Variants in CSRNP3 observed in about 807,000 individuals in gnomAD.
CSRNP3 encodes cysteine and serine rich nuclear protein 3.
In CSRNP3, 12 loss-of-function variants were observed where a neutral mutation model predicts 48.0. The observed-to-expected ratio is 0.25, with a 90% confidence interval of 0.16 to 0.41. The LOEUF is 0.41. Ranked by LOEUF, CSRNP3 falls within the 10% of genes least tolerant of loss-of-function variation. CSRNP3 has a pLI of 1.00. For synonymous variants in CSRNP3, 263 were observed against 269.7 expected, an observed-to-expected ratio of 0.98 and a Z score of 0.24; for missense variants, 580 against 724.4, an observed-to-expected ratio of 0.80 and a Z score of 2.29.
At chr2:165,611,589 T>C (rs958459570) in intron 4 of CSRNP3, among the ~76,000 whole-genome samples, 4 of 152,092 alleles carry the variant, frequency 2.6e-5, no homozygotes, top group Non-Finnish European at 4.4e-5. Context: ...GTAAAAAAAA[T>C]GTGAGCTTTA....
At chr2:165,610,171 G>A (rs1177992270) in intron 4 of CSRNP3, among the ~76,000 whole-genome samples, 1 of 152,142 alleles carries the variant, frequency 6.6e-6, no homozygotes, top group African/African-American at 2.4e-5. Flanking sequence ...GCAGTCAGGC[G>A]AGCCTTTGAT....
intron 3 of CSRNP3, among the ~76,000 whole-genome samples, chr2:165,520,093 G>A (rs1684631469): frequency 6.6e-6 from 1 of 152,102 alleles, no homozygotes; most frequent in African/African-American, 2.4e-5. Flanking sequence ...TAGAAATGAT[G>A]ATACAGTTAC....
At chr2:165,657,164 A>G (rs1687018131) in intron 4 of CSRNP3, among the ~76,000 whole-genome samples, 1 of 152,150 alleles carries the variant, frequency 6.6e-6, no homozygotes. Flanking sequence ...CATTAGTTAC[A>G]TAGTAGCCAT....
chr2:165,578,002 T>C (rs751176064), intron 3 of CSRNP3, among the ~76,000 whole-genome samples: 1 of 152,068 alleles, frequency 6.6e-6, no homozygotes, highest in Admixed American at 6.6e-5. Context: ...AAATGAAAAT[T>C]TTCTTTTGTT....
chr2:165,574,180 C>T (rs1019305002), intron 3 of CSRNP3: 7 of 502,810 alleles, frequency 1.4e-5, no homozygotes, highest in Non-Finnish European at 2.1e-5. Flanking sequence ...CATTCCGTTT[C>T]AGCTGCTGGA....
chr2:165,511,481 A>C (rs1220787691), intron 2 of CSRNP3, among the ~76,000 whole-genome samples: 1 of 152,168 alleles, frequency 6.6e-6, no homozygotes, highest in East Asian at 1.9e-4. Flanking sequence ...ATGGAATCTA[A>C]GTCTTAAGAG....
At chr2:165,600,185 T>G (rs1685890875) in intron 4 of CSRNP3, among the ~76,000 whole-genome samples, 1 of 143,910 alleles carries the variant, frequency 6.9e-6, no homozygotes, top group Non-Finnish European at 1.5e-5. Context: ...TATGCGGTGT[T>G]TGGTTTTTTG....
At chr2:165,631,589 C>A (rs74365964) in intron 4 of CSRNP3, among the ~76,000 whole-genome samples, 2,807 of 152,226 alleles carry the variant, frequency 0.018, 84 homozygotes, top group African/African-American at 0.064. Flanking sequence ...TTTCTCCATG[C>A]CTTAAAAGAC....
intron 4 of CSRNP3, among the ~76,000 whole-genome samples, chr2:165,656,308 T>C (rs1222006137): frequency 1.3e-5 from 2 of 152,186 alleles, no homozygotes; most frequent in African/African-American, 2.4e-5. Context: ...CAAGAGGCCA[T>C]GTTTACAAAG....
chr2:165,524,085 C>T (rs994362257), intron 3 of CSRNP3, among the ~76,000 whole-genome samples: 1 of 152,112 alleles, frequency 6.6e-6, no homozygotes, highest in South Asian at 2.1e-4. Flanking sequence ...AATAAAGAAT[C>T]CAAAACCATA....
At chr2:165,482,090 A>G (rs978669450) in intron 1 of CSRNP3, among the ~76,000 whole-genome samples, 2 of 152,098 alleles carry the variant, frequency 1.3e-5, no homozygotes, top group African/African-American at 4.8e-5. Context: ...TAAAAATAGA[A>G]GAAAAAAATA....
intron 3 of CSRNP3, among the ~76,000 whole-genome samples, chr2:165,543,782 C>T (rs1033628034): frequency 3.3e-5 from 5 of 151,938 alleles, no homozygotes; most frequent in Non-Finnish European, 7.4e-5. Flanking sequence ...TCCATCTCCT[C>T]AAAGGATTTA....
intron 1 of CSRNP3, 143 bp downstream of exon 1, chr2:165,469,883 G>A (rs1204175095): frequency 6.6e-6 from 1 of 152,130 alleles, no homozygotes; most frequent in East Asian, 1.9e-4. Context: ...TTTATTACTT[G>A]AGGAAGCTTT....
chr2:165,543,135 G>A (rs1684980104), intron 3 of CSRNP3, among the ~76,000 whole-genome samples: 1 of 152,052 alleles, frequency 6.6e-6, no homozygotes, highest in Non-Finnish European at 1.5e-5. Flanking sequence ...TTGAGGCCTT[G>A]GGATTTTCTT....
intron 4 of CSRNP3, among the ~76,000 whole-genome samples, chr2:165,597,297 G>A (rs1035951859): frequency 2.6e-5 from 4 of 152,108 alleles, no homozygotes; most frequent in Admixed American, 1.3e-4. Context: ...TTTCTAATGT[G>A]CCCTACCTAG....
chr2:165,621,433 G>A (rs1686338075), intron 4 of CSRNP3, among the ~76,000 whole-genome samples: 2 of 151,912 alleles, frequency 1.3e-5, no homozygotes, highest in African/African-American at 4.8e-5. Context: ...AATAAAATAT[G>A]GCCTGGCCCT....
At chr2:165,614,935 CTT>C (rs1394986639) in intron 4 of CSRNP3, among the ~76,000 whole-genome samples, 2 of 152,034 alleles carry the variant, frequency 1.3e-5, no homozygotes, top group Non-Finnish European at 2.9e-5. Context: ...CTTTACATGA[CTT>C]TGATATTTTT....
At chr2:165,532,458 C>A (rs1192889179) in intron 3 of CSRNP3, among the ~76,000 whole-genome samples, 1 of 152,010 alleles carries the variant, frequency 6.6e-6, no homozygotes, top group Non-Finnish European at 1.5e-5. Flanking sequence ...AAGACAAAAA[C>A]CACATGATTA....
At chr2:165,521,772 G>A (rs937824693) in intron 3 of CSRNP3, among the ~76,000 whole-genome samples, 11 of 152,126 alleles carry the variant, frequency 7.2e-5, no homozygotes, top group Non-Finnish European at 1.0e-4. Context: ...AATGTAGGGC[G>A]TTTAGCAGCA....
Sources: allele counts gnomAD v4.1 joint callset (sites outside exome capture counted in the v4.1 genomes callset), GRCh38; gene constraint gnomAD v4.1.1; transcripts MANE v1.5; gene names NCBI Gene and HGNC (gene_info 2026-07-23, HGNC 2026-07-21).